The following LRRC37B variants were observed in gnomAD, a reference collection of about 807,000 sequenced individuals.
LRRC37B encodes leucine-rich repeat-containing protein 37B.
LRRC37B carries 28 observed loss-of-function variants against 98.3 expected under a neutral mutation model. The ratio of observed to expected loss-of-function variants is 0.28; its 90% confidence interval spans 0.21 to 0.39. The LOEUF (loss-of-function observed/expected upper bound fraction) is 0.39, where lower values mean the gene tolerates loss of function less well. LRRC37B is among the 10% of genes least tolerant of loss of function. LRRC37B has a pLI of 1.00. For synonymous variants in LRRC37B, 364 were observed against 442.7 expected (o/e 0.82, Z 2.23); for missense variants, 938 against 1,182.7 (o/e 0.79, Z 3.03).
At chr17:32,008,861 T>A (rs1289892234) in intron 1 of LRRC37B, among the ~76,000 whole-genome samples, 1 of 152,238 alleles carries the variant, frequency 6.6e-6, no homozygotes, top group Non-Finnish European at 1.5e-5. Flanking sequence ...AAAATTGTTT[T>A]GGTTATTTCT....
rs571043268 is a variant in LRRC37B, at chr17:32,040,699, T to C, written c.2205-5001T>C. On this transcript the variant is annotated intron_variant, in intron 7 of 11. Transcript: ENST00000327564. ...CCCGGCTACCCGCAGTTGGAGGGGC[T>C]CCTGAGCGAGTGCCTGATCCGCCAC... is the stretch of plus-strand genomic sequence containing the variant. 3.9e-4 allele frequency: 307 copies of C among 781,098 alleles called. 1 individual carries two copies. The African/African-American group carries it at 4.0e-3, about 10-fold the overall frequency. 48.4% of individuals were successfully genotyped at this position (781,098 alleles called of 1,614,324 possible). A position where few individuals can be genotyped will look rare whatever the true frequency, so the allele number is the denominator to read the frequency against.
At chr17:32,035,125 A>G (rs1364456231) in intron 6 of LRRC37B, 144 bp downstream of exon 9, 18 of 643,512 alleles carry the variant, frequency 2.8e-5, no homozygotes, top group Admixed American at 1.6e-4. Context: ...TGGCAAAGAA[A>G]AGGATTAAGA....
chr17:32,037,580 C>T (rs1472222546), intron 7 of LRRC37B, among the ~76,000 whole-genome samples: 2 of 152,062 alleles, frequency 1.3e-5, no homozygotes, highest in African/African-American at 2.4e-5. Context: ...CCAGCAGATT[C>T]TTATATTTGA....
intron 8 of LRRC37B, among the ~76,000 whole-genome samples, chr17:32,046,151 A>G (rs1911572680): frequency 6.6e-6 from 1 of 152,232 alleles, no homozygotes; most frequent in African/African-American, 2.4e-5. Flanking sequence ...ATATAGTGCA[A>G]TGTAGTTTGT....
At chr17:32,025,027 C>T in intron 2 of LRRC37B, among the ~76,000 whole-genome samples, 4 of 100,282 alleles carry the variant, frequency 4.0e-5, no homozygotes, top group Non-Finnish European at 4.0e-5. Context: ...CTTTTTTTTC[C>T]TCGTTTTTTT....
intron 1 of LRRC37B, among the ~76,000 whole-genome samples, chr17:32,015,856 C>A (rs927181661): frequency 6.6e-6 from 1 of 152,166 alleles, no homozygotes; most frequent in African/African-American, 2.4e-5. Context: ...ATCGTGCTCA[C>A]GCTGTCATGG....
chr17:32,011,686 G>C (rs906584831), intron 1 of LRRC37B, among the ~76,000 whole-genome samples: 1 of 151,616 alleles, frequency 6.6e-6, no homozygotes, highest in Non-Finnish European at 1.5e-5. Flanking sequence ...TAGTAGAGAT[G>C]GGGTTTCACC....
intron 2 of LRRC37B, among the ~76,000 whole-genome samples, chr17:32,025,454 A>G (rs2142244240): frequency 6.6e-6 from 1 of 151,500 alleles, no homozygotes; most frequent in South Asian, 2.1e-4. Flanking sequence ...ATGCTTCCAG[A>G]CTTTTCCCCA....
chr17:32,045,459 T>C (rs1598213643), intron 7 of LRRC37B: 1 of 498,296 alleles, frequency 2.0e-6, no homozygotes, highest in East Asian at 3.4e-5. Flanking sequence ...CTGATCAGTG[T>C]CACCCAATTC....
chr17:32,034,840 G>T, intron 5 of LRRC37B, 70 bp from the exon 9 acceptor site: 1 of 1,211,432 alleles, frequency 8.3e-7, no homozygotes. Context: ...ACCAAAAAAT[G>T]AATATAGACT....
At chr17:32,021,754 C>T (rs77926367) in exon 1 of LRRC37B, 10 of 1,614,230 alleles carry the variant, frequency 6.2e-6, no homozygotes, top group Non-Finnish European at 8.5e-6. Context: ...TGGAGCCTTC[C>T]TGAGATTGTT....
chr17:32,036,954 A>C (rs1412098491), intron 7 of LRRC37B, among the ~76,000 whole-genome samples: 2 of 144,976 alleles, frequency 1.4e-5, no homozygotes, highest in African/African-American at 5.1e-5. Flanking sequence ...TATGAGAGTC[A>C]CAGTTGTTCC....
intron 1 of LRRC37B, among the ~76,000 whole-genome samples, chr17:32,023,690 G>T (rs546135616): frequency 6.7e-4 from 102 of 152,344 alleles, no homozygotes; most frequent in African/African-American, 2.3e-3. Flanking sequence ...GCATATGTAG[G>T]AGTGTTGGCT....
At chr17:32,035,579 C>T in exon 7 of LRRC37B, 2 of 1,612,476 alleles carry the variant, frequency 1.2e-6, no homozygotes, top group Non-Finnish European at 1.7e-6. Context: ...ATGGGAACAA[C>T]ACACATCACA....
At chr17:32,032,997 G>A (rs527819904) in intron 5 of LRRC37B, among the ~76,000 whole-genome samples, 7 of 152,058 alleles carry the variant, frequency 4.6e-5, no homozygotes, top group African/African-American at 1.7e-4. Context: ...AACCCCGTCT[G>A]TACTAAAAAT....
At chr17:32,024,281 G>GA (rs1305825374) in intron 1 of LRRC37B, among the ~76,000 whole-genome samples, 1 of 152,078 alleles carries the variant, frequency 6.6e-6, no homozygotes, top group Non-Finnish European at 1.5e-5. Context: ...GATGTTTCAA[G>GA]AGAGGGCAAA....
chr17:32,024,498 A>C, intron 1 of LRRC37B: 1 of 1,007,920 alleles, frequency 9.9e-7, no homozygotes, highest in South Asian at 1.3e-5. Context: ...ATAGGAAGTT[A>C]AGCTTCCGGG....
intron 7 of LRRC37B, among the ~76,000 whole-genome samples, chr17:32,038,439 A>C (rs542572249): frequency 6.6e-6 from 1 of 152,318 alleles, no homozygotes; most frequent in South Asian, 2.1e-4. Flanking sequence ...AGCCTGGGTC[A>C]CAGAGTGAGA....
intron 8 of LRRC37B, among the ~76,000 whole-genome samples, chr17:32,046,556 A>G (rs1438705535): frequency 1.3e-5 from 2 of 151,776 alleles, no homozygotes; most frequent in African/African-American, 4.8e-5. Flanking sequence ...GGCTACTTCT[A>G]TAAAGACAGT....
Sources: allele counts gnomAD v4.1 joint callset (sites outside exome capture counted in the v4.1 genomes callset), GRCh38; gene constraint gnomAD v4.1.1; transcripts MANE v1.5; gene names NCBI Gene and HGNC (gene_info 2026-07-23, HGNC 2026-07-21).